The following SSBP2 variants were observed in gnomAD, a reference collection of about 807,000 sequenced individuals.
The protein encoded by SSBP2 is single-stranded DNA-binding protein 2.
Under a neutral mutation model 61.8 loss-of-function variants are expected in SSBP2, and 17 were observed. The ratio of observed to expected loss-of-function variants is 0.28; its 90% confidence interval spans 0.19 to 0.41. The LOEUF (loss-of-function observed/expected upper bound fraction) is 0.41, where lower values mean the gene tolerates loss of function less well. SSBP2 is among the 10% of genes least tolerant of loss of function. SSBP2 has a pLI of 1.00. For synonymous variants in SSBP2, 139 were observed against 141.3 expected (o/e 0.98, Z 0.12); for missense variants, 310 against 458.7 (o/e 0.68, Z 2.96).
chr5:81,604,322 T>C (rs1158043881), intron 4 of SSBP2, among the ~76,000 whole-genome samples: 1 of 151,790 alleles, frequency 6.6e-6, no homozygotes, highest in Non-Finnish European at 1.5e-5. Context: ...AGATTTTTCC[T>C]GGCACATCAC....
chr5:81,715,819 G>T (rs975388152), intron 1 of SSBP2, among the ~76,000 whole-genome samples: 1 of 152,164 alleles, frequency 6.6e-6, no homozygotes, highest in African/African-American at 2.4e-5. Flanking sequence ...CTCTTAGGAA[G>T]GCCGAGGCAA....
chr5:81,599,448 G>A (rs1744123433), intron 4 of SSBP2, among the ~76,000 whole-genome samples: 2 of 152,174 alleles, frequency 1.3e-5, no homozygotes, highest in African/African-American at 4.8e-5. Flanking sequence ...TCTAGCTTCT[G>A]GGAGGAGCCA....
intron 5 of SSBP2, among the ~76,000 whole-genome samples, chr5:81,495,011 AAGAG>A (rs1207284114): frequency 2.6e-5 from 4 of 152,134 alleles, no homozygotes; most frequent in African/African-American, 9.7e-5. Context: ...AGTTTCCTAA[AAGAG>A]AGATTTTCCT....
At chr5:81,564,923 T>C (rs1465574045) in intron 4 of SSBP2, among the ~76,000 whole-genome samples, 4 of 152,184 alleles carry the variant, frequency 2.6e-5, no homozygotes, top group African/African-American at 9.7e-5. Flanking sequence ...ACTTTGTATC[T>C]TTCCACTTTT....
intron 1 of SSBP2, among the ~76,000 whole-genome samples, chr5:81,663,536 C>T (rs1750869238): frequency 6.6e-6 from 1 of 152,082 alleles, no homozygotes; most frequent in South Asian, 2.1e-4. Context: ...AGAAAATGTA[C>T]TATATATAAT....
chr5:81,469,405 A>C (rs551693509), intron 8 of SSBP2, among the ~76,000 whole-genome samples: 1 of 152,044 alleles, frequency 6.6e-6, no homozygotes, highest in African/African-American at 2.4e-5. Context: ...CATTGTTAAT[A>C]AGAAACCAAC....
chr5:81,425,153 C>T (rs899870094), intron 16 of SSBP2, among the ~76,000 whole-genome samples: 1 of 152,090 alleles, frequency 6.6e-6, no homozygotes, highest in Non-Finnish European at 1.5e-5. Context: ...CCTTATTATG[C>T]CCAGTTCATG....
intron 13 of SSBP2, among the ~76,000 whole-genome samples, chr5:81,440,848 A>G (rs1447223177): frequency 1.3e-5 from 2 of 152,158 alleles, no homozygotes; most frequent in African/African-American, 4.8e-5. Flanking sequence ...CCACATATAG[A>G]TGTTTAGCTT....
intron 4 of SSBP2, among the ~76,000 whole-genome samples, chr5:81,612,741 T>G (rs1292599899): frequency 1.3e-5 from 2 of 152,050 alleles, no homozygotes; most frequent in African/African-American, 4.8e-5. Context: ...GAATGCTTTC[T>G]TGAGTACTTT....
chr5:81,708,057 T>C (rs74887611), intron 1 of SSBP2, among the ~76,000 whole-genome samples: 10,813 of 152,200 alleles, frequency 0.071, 481 homozygotes, highest in Middle Eastern at 0.12. Context: ...AAGCACCTTA[T>C]GGTCAATATT....
intron 4 of SSBP2, among the ~76,000 whole-genome samples, chr5:81,538,713 T>C (rs1229481111): frequency 4.6e-5 from 7 of 152,206 alleles, no homozygotes; most frequent in Non-Finnish European, 4.4e-5. Context: ...CCTATGGCCC[T>C]TCAGAATTAC....
intron 4 of SSBP2, among the ~76,000 whole-genome samples, chr5:81,522,579 T>A (rs1769574512): frequency 6.6e-6 from 1 of 152,150 alleles, no homozygotes; most frequent in African/African-American, 2.4e-5. Context: ...TATTTCTAAC[T>A]TTAAAATAAT....
chr5:81,713,254 T>A (rs1471690503), intron 1 of SSBP2, among the ~76,000 whole-genome samples: 1 of 151,720 alleles, frequency 6.6e-6, no homozygotes, highest in African/African-American at 2.4e-5. Context: ...AACAGGAGGA[T>A]TAAAAAAAAA....
At chr5:81,436,736 T>C (rs1762697615) in intron 15 of SSBP2, among the ~76,000 whole-genome samples, 1 of 152,174 alleles carries the variant, frequency 6.6e-6, no homozygotes, top group South Asian at 2.1e-4. Context: ...ATTCTAAATA[T>C]ATTTGATTCA....
rs1761387395 is a variant in SSBP2 at position 81,417,979 on chromosome 5, T to C, written c.*2525A>G. 6.6e-6 allele frequency: 1 copy of C among 152,098 alleles called. No homozygotes were observed. The highest frequency in any genetic ancestry group is 2.1e-4 in the South Asian group (1 of 4,808). The allele number at this position is 152,098 out of a possible 1,614,324, so 9.4% of individuals were successfully genotyped here. A position where few individuals can be genotyped will look rare whatever the true frequency, so the allele number is the denominator to read the frequency against. ...TCTCGTATTACCCCCAAAATAAGGGTAGATAAAATCATATTCATCATTCTT... is the reference window on the plus strand; with the variant it reads ...TCTCGTATTACCCCCAAAATAAGGGCAGATAAAATCATATTCATCATTCTT... On this transcript the variant is annotated 3_prime_UTR_variant, in exon 17 of 17. Transcript: ENST00000320672.
rs547172975 is a variant in SSBP2, at chr5:81,587,458, A to G, written c.282+28015T>C. On this transcript the variant is annotated intron_variant, in intron 4 of 16. Coordinates refer to ENST00000320672, the MANE Select transcript of SSBP2 (RefSeq NM_012446.5). ...AAAAAACTACCGCTTGGGGTTGGGC[A>G]CGGTGGTTCACGCGTGAAATCCCAA... is the stretch of plus-strand genomic sequence containing the variant. Among the ~76,000 whole-genome samples, 3 of 152,292 alleles carry G rather than the reference A, an allele frequency of 2.0e-5. No homozygotes were observed. In the South Asian group the frequency reaches 6.2e-4, roughly 32 times the overall value.
chr5:81,468,266 G>A (rs1179242241), intron 8 of SSBP2, among the ~76,000 whole-genome samples: 1 of 151,896 alleles, frequency 6.6e-6, no homozygotes, highest in Admixed American at 6.6e-5. Flanking sequence ...TTCTATCTAT[G>A]AAATAGCTCT....
At chr5:81,432,931 G>GT (rs1237176526) in intron 15 of SSBP2, among the ~76,000 whole-genome samples, 1 of 144,980 alleles carries the variant, frequency 6.9e-6, no homozygotes, top group African/African-American at 2.6e-5. Context: ...CGGGAGGGAG[G>GT]TGGGGGGGGT....
At chr5:81,434,565 G>T (rs1240791276) in intron 15 of SSBP2, among the ~76,000 whole-genome samples, 1 of 146,412 alleles carries the variant, frequency 6.8e-6, no homozygotes, top group Non-Finnish European at 1.5e-5. Context: ...GGAGGCGGAG[G>T]TTGCGGTGAG....
Sources: allele counts gnomAD v4.1 joint callset (sites outside exome capture counted in the v4.1 genomes callset), GRCh38; gene constraint gnomAD v4.1.1; transcripts MANE v1.5; gene names NCBI Gene and HGNC (gene_info 2026-07-23, HGNC 2026-07-21).